The following CACNA2D3 variants were observed in gnomAD, a reference collection of about 807,000 sequenced individuals.
CACNA2D3 encodes voltage-dependent calcium channel subunit alpha-2/delta-3.
In CACNA2D3, 60 loss-of-function variants were observed where a neutral mutation model predicts 160.6. The ratio of observed to expected loss-of-function variants is 0.37; its 90% confidence interval spans 0.30 to 0.46. The LOEUF is 0.46. Ranked by LOEUF, CACNA2D3 falls within the 20% of genes least tolerant of loss-of-function variation. CACNA2D3 has a pLI of 1.00. For missense variants in CACNA2D3, 1,205 were observed against 1,365.0 expected (o/e 0.88, Z 1.85); for synonymous variants, 558 against 492.9 (o/e 1.13, Z -1.75).
intron 2 of CACNA2D3, among the ~76,000 whole-genome samples, chr3:54,201,294 C>T (rs555128940): frequency 4.6e-5 from 7 of 152,090 alleles, no homozygotes; most frequent in South Asian, 2.1e-4. Flanking sequence ...ATATATACTT[C>T]GAAAAGTGCT....
At chr3:54,860,034 A>G (rs974438496) in intron 17 of CACNA2D3, among the ~76,000 whole-genome samples, 5 of 151,352 alleles carry the variant, frequency 3.3e-5, no homozygotes, top group African/African-American at 1.2e-4. Flanking sequence ...ATTCCAAATT[A>G]GATCGGCAGC....
chr3:55,019,308 C>T (rs1280074232), intron 35 of CACNA2D3, among the ~76,000 whole-genome samples: 1 of 151,782 alleles, frequency 6.6e-6, no homozygotes, highest in Non-Finnish European at 1.5e-5. Flanking sequence ...TGGCTCTTTA[C>T]TCTTGCATAC....
chr3:55,026,113 C>T (rs1703559676), intron 35 of CACNA2D3, among the ~76,000 whole-genome samples: 1 of 152,156 alleles, frequency 6.6e-6, no homozygotes, highest in Non-Finnish European at 1.5e-5. Flanking sequence ...ACCCCCACAC[C>T]TGCCCTCCTC....
At chr3:54,809,545 C>T (rs1703242026) in intron 13 of CACNA2D3, among the ~76,000 whole-genome samples, 2 of 144,314 alleles carry the variant, frequency 1.4e-5, no homozygotes, top group South Asian at 4.2e-4. Context: ...GTCTCGATCT[C>T]CTGACCTCAT....
At chr3:54,464,261 T>G (rs373850509) in intron 4 of CACNA2D3, among the ~76,000 whole-genome samples, 18 of 152,172 alleles carry the variant, frequency 1.2e-4, no homozygotes, top group Non-Finnish European at 1.8e-4. Context: ...CCCCTTCTCA[T>G]ATCTCCAGCT....
At chr3:54,310,567 A>T (rs1010065273) in intron 2 of CACNA2D3, among the ~76,000 whole-genome samples, 1 of 152,062 alleles carries the variant, frequency 6.6e-6, no homozygotes, top group African/African-American at 2.4e-5. Flanking sequence ...CCAAATAATT[A>T]TTATTGAAGA....
intron 27 of CACNA2D3, among the ~76,000 whole-genome samples, chr3:54,944,452 G>A (rs1362475382): frequency 2.7e-5 from 4 of 150,340 alleles, no homozygotes; most frequent in Non-Finnish European, 4.4e-5. Context: ...ACGGAATCTC[G>A]CTCTGTCGCC....
intron 11 of CACNA2D3, among the ~76,000 whole-genome samples, chr3:54,691,212 T>C (rs888999663): frequency 2.6e-5 from 4 of 152,182 alleles, no homozygotes; most frequent in Non-Finnish European, 5.9e-5. Flanking sequence ...CTGCAGAGTT[T>C]TATGTGCCTT....
chr3:54,821,684 CTTTCTTTCT>C lies in CACNA2D3; in HGVS notation c.1398+4817_1398+4825del, dbSNP rs1473495524. On this transcript the variant is annotated intron_variant, in intron 14 of 37. Coordinates refer to ENST00000474759, the MANE Select transcript of CACNA2D3 (RefSeq NM_018398.3). ...TCTTTCTTTCTTTCTTTCTTTCTTTCTTTCTTTCTTTCTTTCCTTCCTTCCTTCTTTCCT... is the reference window on the plus strand; with the variant it reads ...TCTTTCTTTCTTTCTTTCTTTCTTTCTTCTTTCCTTCCTTCCTTCTTTCCT... Among the ~76,000 whole-genome samples, 269 of 131,244 alleles carry C rather than the reference CTTTCTTTCT, an allele frequency of 2.0e-3. 1 individual carries two copies. The Middle Eastern group carries it at 0.022, about 11-fold the overall frequency. 86.1% of individuals were successfully genotyped at this position (131,244 alleles called of 152,430 possible).
At chr3:54,899,687 A>G (rs1446415061) in intron 26 of CACNA2D3, 101 bp from the exon 27 acceptor site, 1 of 874,818 alleles carries the variant, frequency 1.1e-6, no homozygotes, top group Non-Finnish European at 1.8e-6. Flanking sequence ...AAGCCCCAGA[A>G]CAATTTGCAG....
chr3:54,679,743 C>T (rs1700307740), intron 11 of CACNA2D3, among the ~76,000 whole-genome samples: 1 of 152,188 alleles, frequency 6.6e-6, no homozygotes, highest in Admixed American at 6.5e-5. Context: ...AAATGTCAGA[C>T]TTGATCAGTG....
intron 3 of CACNA2D3, among the ~76,000 whole-genome samples, chr3:54,333,606 C>T (rs539469553): frequency 3.9e-5 from 6 of 152,040 alleles, no homozygotes; most frequent in East Asian, 1.9e-4. Context: ...TACAGCCCAC[C>T]GAGAGTGAAG....
chr3:54,822,823 CTTTCTTTCTTT>C lies in CACNA2D3; in HGVS notation c.1398+5955_1398+5965del, dbSNP rs1703663659. On this transcript the variant is annotated intron_variant, in intron 14 of 37. Transcript: ENST00000474759. ...TCTTTCTTTCTTTCTTTCTTTCTTT[CTTTCTTTCTTT>C]TCTTTCTTTCTTTCTTTCTTTCTTT... Among the ~76,000 whole-genome samples, 3 of 91,300 alleles carry C rather than the reference CTTTCTTTCTTT, an allele frequency of 3.3e-5. 1 individual carries two copies. Among genetic ancestry groups the C allele is most frequent in the African/African-American group, 1.7e-4 (3 of 17,952 alleles). The allele number at this position is 91,300 out of a possible 152,430, so 59.9% of individuals were successfully genotyped here.
chr3:54,472,325 G>A (rs1033369021), intron 4 of CACNA2D3, among the ~76,000 whole-genome samples: 13 of 152,100 alleles, frequency 8.5e-5, no homozygotes, highest in Non-Finnish European at 1.8e-4. Context: ...ATGCAGAAAA[G>A]GCCTTCGATA....
At position 54,856,329 on chromosome 3, in the gene CACNA2D3, G is replaced by A. The variant is rs183136044; in HGVS notation, c.1626+9862G>A. Among the ~76,000 whole-genome samples the A allele has an allele frequency of 3.3e-5, 5 of 152,314 alleles. No individual in the cohort carries two copies. In the East Asian group the frequency reaches 9.7e-4, roughly 29 times the overall value. ...AGGGAAGGCTGCAGGGAGCTGGTTT[G>A]CAGCCTATAACTTTGAGGCCACAGT... On this transcript the variant is annotated intron_variant, in intron 17 of 37. Transcript: ENST00000474759.
intron 5 of CACNA2D3, among the ~76,000 whole-genome samples, chr3:54,555,448 A>G (rs921844175): frequency 8.5e-5 from 13 of 152,222 alleles, no homozygotes; most frequent in African/African-American, 2.2e-4. Flanking sequence ...CCTATGTAGC[A>G]TGTGCACACC....
At chr3:54,334,647 C>T (rs1019606783) in intron 3 of CACNA2D3, among the ~76,000 whole-genome samples, 1 of 152,186 alleles carries the variant, frequency 6.6e-6, no homozygotes, top group Non-Finnish European at 1.5e-5. Context: ...TTCCCTCAGA[C>T]TAGCCCCAAG....
At chr3:54,885,464 G>T (rs1168708975) in intron 22 of CACNA2D3, 25 bp from the exon 23 acceptor site, 1 of 1,604,852 alleles carries the variant, frequency 6.2e-7, no homozygotes, top group South Asian at 1.1e-5. Flanking sequence ...ACATGCTCTT[G>T]TTTTGGGCCA....
rs1575414533 is a variant in CACNA2D3 at position 54,667,977 on chromosome 3, T to G, written c.1167+25736T>G. 4.6e-5 allele frequency among the ~76,000 whole-genome samples: 7 copies of G among 152,132 alleles called. No individual in the cohort carries two copies. The East Asian group carries it at 1.4e-3, about 29-fold the overall frequency. On this transcript the variant is annotated intron_variant, in intron 11 of 37. Transcript: ENST00000474759. ...AAAAAAAAAAGTCAAAATAGATATTTTTATATTAGAATTTTATATCAACAT... is the reference window on the plus strand; with the variant it reads ...AAAAAAAAAAGTCAAAATAGATATTGTTATATTAGAATTTTATATCAACAT...
Sources: allele counts gnomAD v4.1 joint callset (sites outside exome capture counted in the v4.1 genomes callset), GRCh38; gene constraint gnomAD v4.1.1; transcripts MANE v1.5; gene names NCBI Gene and HGNC (gene_info 2026-07-23, HGNC 2026-07-21).